SPTLC1: variants seen among roughly 807,000 people sequenced by gnomAD.
SPTLC1 encodes serine palmitoyltransferase long chain base subunit 1.
Under a neutral mutation model 68.9 loss-of-function variants are expected in SPTLC1, and 55 were observed. The ratio of observed to expected loss-of-function variants is 0.80; its 90% CI spans 0.64 to 1.00. The LOEUF is 1.00. Among genes scored for constraint, SPTLC1 ranks in the 50% least tolerant of loss-of-function variants. The pLI is 0.00. For missense variants in SPTLC1, 449 were observed against 573.1 expected, an observed-to-expected ratio of 0.78 and a Z score of 2.21; for synonymous variants, 197 against 201.6, an observed-to-expected ratio of 0.98 and a Z score of 0.19.
intron 6 of SPTLC1, among the ~76,000 whole-genome samples, chr9:92,059,600 TTTCTC>T (rs1277737632): frequency 3.3e-5 from 5 of 152,242 alleles, no homozygotes; most frequent in African/African-American, 9.6e-5. Flanking sequence ...TTCACATACT[TTTCTC>T]TTTCTAAGAA....
chr9:92,057,476 C>T (rs1223867986), intron 7 of SPTLC1, among the ~76,000 whole-genome samples: 1 of 152,216 alleles, frequency 6.6e-6, no homozygotes, highest in Non-Finnish European at 1.5e-5. Flanking sequence ...CTTTGTCTCA[C>T]CACATCTGTG....
intron 3 of SPTLC1, among the ~76,000 whole-genome samples, chr9:92,097,671 G>A (rs1414303077): frequency 1.3e-5 from 2 of 152,224 alleles, no homozygotes; most frequent in East Asian, 1.9e-4. Flanking sequence ...GCAGAGGAAG[G>A]AGTGGGAAGT....
At chr9:92,079,219 G>A (rs577678100) in intron 5 of SPTLC1, 2 of 420,588 alleles carry the variant, frequency 4.8e-6, no homozygotes, top group African/African-American at 2.1e-5. Flanking sequence ...GGGATTACAG[G>A]TATCCACCAC....
chr9:92,063,253 C>T (rs1450957542), intron 6 of SPTLC1, among the ~76,000 whole-genome samples: 2 of 152,128 alleles, frequency 1.3e-5, no homozygotes, highest in African/African-American at 2.4e-5. Flanking sequence ...CACACATGTA[C>T]ATCTGACAAC....
intron 6 of SPTLC1, among the ~76,000 whole-genome samples, chr9:92,066,921 T>C (rs1834305485): frequency 6.6e-6 from 1 of 151,082 alleles, no homozygotes; most frequent in South Asian, 2.1e-4. Context: ...CGGAGCTTGC[T>C]GTGAGCCAAG....
In SPTLC1 at chr9:92,090,893, T is replaced by C. The variant is rs1211504328; in HGVS notation, c.261-9930A>G. ...CCTGACATCCTCCCTTAAGGTGACT[T>C]ATGAATGGAAGTCACACACCTCAAG... On this transcript the variant is annotated intron_variant, in intron 3 of 14. Transcript: ENST00000262554. 2.0e-5 allele frequency among the ~76,000 whole-genome samples: 3 copies of C among 152,120 alleles called. 1 individual carries two copies. The highest frequency in any genetic ancestry group is 4.1e-4 in the South Asian group (2 of 4,822).
At chr9:92,045,874 A>G (rs1174986031) in intron 12 of SPTLC1, 125 bp downstream of exon 12, 1 of 764,288 alleles carries the variant, frequency 1.3e-6, no homozygotes, top group Non-Finnish European at 2.2e-6. Context: ...TGAGTGAACT[A>G]AGTTTTTGGT....
At chr9:92,079,688 G>T in intron 5 of SPTLC1, 1 of 877,064 alleles carries the variant, frequency 1.1e-6, no homozygotes, top group Non-Finnish European at 1.9e-6. Context: ...CAGGGGTTCC[G>T]CTCTCATCAG....
intron 13 of SPTLC1, among the ~76,000 whole-genome samples, chr9:92,035,316 G>A (rs2118350801): frequency 6.6e-6 from 1 of 152,336 alleles, no homozygotes; most frequent in South Asian, 2.1e-4. Flanking sequence ...CAGTAGAACT[G>A]CGTCAGAGAA....
At chr9:92,098,792 CAG>C (rs1380451965) in intron 3 of SPTLC1, among the ~76,000 whole-genome samples, 3 of 152,062 alleles carry the variant, frequency 2.0e-5, no homozygotes, top group African/African-American at 7.2e-5. Context: ...CAATGCAGAA[CAG>C]AGAAAGGAAA....
intron 6 of SPTLC1, among the ~76,000 whole-genome samples, chr9:92,059,722 C>G (rs1042135532): frequency 1.3e-5 from 2 of 152,272 alleles, no homozygotes; most frequent in African/African-American, 4.8e-5. Context: ...CCCAGCTAGA[C>G]AGAAAACTTT....
chr9:92,069,832 A>G (rs199956308), intron 5 of SPTLC1, among the ~76,000 whole-genome samples: 2 of 152,192 alleles, frequency 1.3e-5, no homozygotes, highest in East Asian at 3.8e-4. Flanking sequence ...TTCATTTGGT[A>G]TCTCCATTTC....
intron 9 of SPTLC1, 60 bp downstream of exon 9, chr9:92,049,900 C>T: frequency 9.1e-7 from 1 of 1,098,696 alleles, no homozygotes; most frequent in East Asian, 2.4e-5. Context: ...ATAGGCCTAG[C>T]AGAATGGAAC....
intron 6 of SPTLC1, among the ~76,000 whole-genome samples, chr9:92,066,715 G>A (rs1019901255): frequency 2.6e-5 from 4 of 152,182 alleles, no homozygotes; most frequent in Admixed American, 1.3e-4. Flanking sequence ...CTCTGGCTGT[G>A]ATGTTAAAAA....
intron 3 of SPTLC1, among the ~76,000 whole-genome samples, chr9:92,097,901 AT>A (rs1375734536): frequency 6.6e-6 from 1 of 152,230 alleles, no homozygotes; most frequent in East Asian, 1.9e-4. Flanking sequence ...TAAATAGATT[AT>A]ATATCAATAA....
At chr9:92,096,265 A>G (rs10115473) in intron 3 of SPTLC1, among the ~76,000 whole-genome samples, 1,652 of 152,284 alleles carry the variant, frequency 0.011, 27 homozygotes, top group African/African-American at 0.038. Context: ...ATCCTAGTGC[A>G]AGCCCCTCAG....
At chr9:92,056,683 A>C (rs1833903158) in intron 7 of SPTLC1, among the ~76,000 whole-genome samples, 1 of 152,192 alleles carries the variant, frequency 6.6e-6, no homozygotes, top group South Asian at 2.1e-4. Flanking sequence ...TCTTACTCAG[A>C]GATCTCTTGC....
intron 5 of SPTLC1, chr9:92,079,803 G>A: frequency 1.5e-6 from 1 of 649,546 alleles, no homozygotes; most frequent in Non-Finnish European, 2.8e-6. Flanking sequence ...ACGAGGATGA[G>A]CCCACCATGC....
intron 1 of SPTLC1, among the ~76,000 whole-genome samples, chr9:92,114,331 C>T (rs1265878326): frequency 6.6e-6 from 1 of 152,142 alleles, no homozygotes; most frequent in Non-Finnish European, 1.5e-5. Flanking sequence ...CAAGACAGCA[C>T]GGGGACTCTC....
Sources: gnomAD v4.1 joint callset for allele counts (sites outside exome capture counted in the v4.1 genomes callset) on GRCh38, gnomAD v4.1.1 for gene constraint, MANE v1.5 for transcripts, NCBI Gene and HGNC (gene_info 2026-07-23, HGNC 2026-07-21) for gene names.